Variants in RTL4 observed in about 807,000 individuals in gnomAD.
RTL4 encodes the protein retrotransposon Gag like 4, also known as retrotransposon Gag-like protein 4.
A neutral mutation model predicts 5.3 loss-of-function variants in RTL4; 4 were observed. The observed-to-expected ratio is 0.75, with a 90% CI of 0.37 to 1.72. The LOEUF (loss-of-function observed/expected upper bound fraction) is 1.72. Ranked by LOEUF, RTL4 falls within the 40% of genes most tolerant of loss-of-function variation. The probability of loss-of-function intolerance (pLI) is 0.04; values close to 1 mark genes in which losing one functional copy is unlikely to be tolerated. For missense variants in RTL4, 260 were observed against 227.1 expected (o/e 1.14, Z -0.93); for synonymous variants, 98 against 87.3 (o/e 1.12, Z -0.68).
upstream of RTL4, among the ~76,000 whole-genome samples, chrX:112,450,568 G>A (rs1926718307): frequency 9.0e-6 from 1 of 111,448 alleles, no homozygotes; most frequent in South Asian, 3.7e-4. Flanking sequence ...AAATGAAGAG[G>A]CAAGGTAGAT....
At chrX:112,146,158 C>T in the RTL4 span, among the ~76,000 whole-genome samples, 1 of 111,499 alleles carries the variant, frequency 9.0e-6, no homozygotes, top group African/African-American at 3.3e-5. Context: ...AAGATTTTAG[C>T]AATGCAGGGG....
the RTL4 span, among the ~76,000 whole-genome samples, chrX:112,348,254 T>C: frequency 1.8e-5 from 2 of 110,449 alleles, no homozygotes; most frequent in Non-Finnish European, 1.9e-5. Context: ...AGAATTTTGT[T>C]AGGTTGACTC....
chrX:112,213,113 A>G, the RTL4 span, among the ~76,000 whole-genome samples: 1 of 113,003 alleles, frequency 8.8e-6, no homozygotes, highest in Non-Finnish European at 1.9e-5. Flanking sequence ...AGTAAAATAC[A>G]TAACAGAATC....
chrX:112,382,355 G>A, the RTL4 span: 6 of 438,443 alleles, frequency 1.4e-5, no homozygotes, highest in Non-Finnish European at 2.3e-5. Flanking sequence ...TGGAGTGAAG[G>A]ATTAGATGGT....
chrX:112,455,277 G>A, exon 1 of RTL4: 4 of 1,211,490 alleles, frequency 3.3e-6, no homozygotes, highest in Non-Finnish European at 4.5e-6. Context: ...AGAGTGGTCA[G>A]TTCGAAAAGG....
chrX:112,161,836 C>CTTTTCTTTCTTTCTTT, the RTL4 span, among the ~76,000 whole-genome samples: 6 of 35,226 alleles, frequency 1.7e-4, no homozygotes, highest in African/African-American at 7.7e-4. Flanking sequence ...TTCCTTCCTT[C>CTTTTCTTTCTTTCTTT]CTTCCTTCCT....
chrX:112,175,596 G>T, the RTL4 span, among the ~76,000 whole-genome samples: 3 of 109,914 alleles, frequency 2.7e-5, no homozygotes, highest in African/African-American at 6.6e-5. Flanking sequence ...CTTTAAAGTA[G>T]TTTTTTCCAA....
At chrX:112,190,884 T>C in the RTL4 span, among the ~76,000 whole-genome samples, 1 of 111,988 alleles carries the variant, frequency 8.9e-6, no homozygotes, top group Non-Finnish European at 1.9e-5. Context: ...AACTCGGTGC[T>C]ACGGCAATAG....
chrX:112,343,891 C>G, the RTL4 span, among the ~76,000 whole-genome samples: 1 of 111,823 alleles, frequency 8.9e-6, no homozygotes, highest in Admixed American at 9.5e-5. Context: ...TTCAGCCCCT[C>G]TAGCCAATAC....
chrX:112,237,753 A>C, the RTL4 span, among the ~76,000 whole-genome samples: 1 of 112,028 alleles, frequency 8.9e-6, no homozygotes, highest in Non-Finnish European at 1.9e-5. Flanking sequence ...TTACCTGTAT[A>C]TTATTCAACA....
chrX:112,265,068 A>G, the RTL4 span, among the ~76,000 whole-genome samples: 2 of 112,215 alleles, frequency 1.8e-5, no homozygotes, highest in East Asian at 2.8e-4. Context: ...ACAGGTTCCA[A>G]TGAGCTCACA....
chrX:112,332,881 TG>T, the RTL4 span, among the ~76,000 whole-genome samples: 1 of 111,643 alleles, frequency 9.0e-6, no homozygotes, highest in African/African-American at 3.3e-5. Flanking sequence ...ATTGTTCTAT[TG>T]TTTTTTTCTT....
the RTL4 span, among the ~76,000 whole-genome samples, chrX:112,127,758 G>A: frequency 1.8e-5 from 2 of 111,517 alleles, no homozygotes; most frequent in Non-Finnish European, 3.8e-5. Flanking sequence ...AGAAAAATTC[G>A]TGTTTCTGTA....
the RTL4 span, among the ~76,000 whole-genome samples, chrX:112,167,807 T>C: frequency 1.8e-5 from 2 of 110,184 alleles, no homozygotes; most frequent in South Asian, 3.9e-4. Context: ...GCTTTGTTGA[T>C]GTCATTTTTT....
At chrX:112,218,306 C>T in the RTL4 span, among the ~76,000 whole-genome samples, 2 of 111,720 alleles carry the variant, frequency 1.8e-5, no homozygotes, top group African/African-American at 3.3e-5. Context: ...TTCCCTATCT[C>T]TGTGATGCTG....
chrX:112,164,567 C>A, the RTL4 span, among the ~76,000 whole-genome samples: 1 of 112,502 alleles, frequency 8.9e-6, no homozygotes, highest in Non-Finnish European at 1.9e-5. Context: ...ACAGCCCAGG[C>A]AGGCATGCCA....
the RTL4 span, among the ~76,000 whole-genome samples, chrX:112,382,499 C>T: frequency 9.0e-6 from 1 of 111,726 alleles, no homozygotes; most frequent in Non-Finnish European, 1.9e-5. Context: ...AGCCATTTAC[C>T]ATACATCAAA....
the RTL4 span, among the ~76,000 whole-genome samples, chrX:112,210,354 C>T: frequency 8.3e-4 from 93 of 111,935 alleles, no homozygotes; most frequent in Non-Finnish European, 7.9e-4. Context: ...AGCTTCCTCA[C>T]GTACAAAATG....
At chrX:112,408,266 G>A in the RTL4 span, among the ~76,000 whole-genome samples, 3 of 110,474 alleles carry the variant, frequency 2.7e-5, no homozygotes, top group Non-Finnish European at 5.7e-5. Context: ...ACACAGAGAA[G>A]GAATTCAGAA....
Sources: allele counts gnomAD v4.1 joint callset (sites outside exome capture counted in the v4.1 genomes callset), GRCh38; gene constraint gnomAD v4.1.1; transcripts MANE v1.5; gene names NCBI Gene and HGNC (gene_info 2026-07-23, HGNC 2026-07-21).